UQCRC1: variants seen among roughly 807,000 people sequenced by gnomAD.
UQCRC1 encodes the protein ubiquinol-cytochrome c reductase core protein 1.
Under a neutral mutation model 58.0 loss-of-function variants are expected in UQCRC1, and 34 were observed. The observed-to-expected ratio is 0.59, with a 90% CI of 0.45 to 0.78. The LOEUF is 0.78. Ranked by LOEUF, UQCRC1 falls within the 30% of genes least tolerant of loss-of-function variation. UQCRC1 has a pLI of 0.00. For missense variants in UQCRC1, 610 were observed against 646.0 expected, an observed-to-expected ratio of 0.94 and a Z score of 0.60; for synonymous variants, 276 against 248.8, an observed-to-expected ratio of 1.11 and a Z score of -1.03.
chr3:48,608,299 T>C (rs1236056296), intron 2 of UQCRC1, among the ~76,000 whole-genome samples: 1 of 152,370 alleles, frequency 6.6e-6, no homozygotes, highest in East Asian at 1.9e-4. Flanking sequence ...CAATCTTAGA[T>C]GAACATGTAT....
intron 2 of UQCRC1, among the ~76,000 whole-genome samples, chr3:48,606,310 G>C (rs2046410897): frequency 6.6e-6 from 1 of 152,192 alleles, no homozygotes; most frequent in African/African-American, 2.4e-5. Flanking sequence ...TATTGGTTTA[G>C]ACTGTATATT....
rs528367763 is a variant in UQCRC1 at position 48,599,347 on chromosome 3, G to A, written c.1379-155C>T. ...GAGAACATTCCCCCAGGGGTGCTGAGCCTGTCCCTTCATGTTCTGGCCCTT... is the reference window on the plus strand; with the variant it reads ...GAGAACATTCCCCCAGGGGTGCTGAACCTGTCCCTTCATGTTCTGGCCCTT... On this transcript the variant is annotated intron_variant, in intron 12 of 12. Transcript: ENST00000203407. 5.1e-5 allele frequency: 46 copies of A among 907,772 alleles called. No individual in the cohort carries two copies. In the South Asian group the frequency reaches 6.0e-4, roughly 12 times the overall value. The allele number at this position is 907,772 out of a possible 1,614,324, so 56.2% of individuals were successfully genotyped here.
intron 1 of UQCRC1, 97 bp downstream of exon 1, chr3:48,609,455 G>A (rs1440885542): frequency 3.9e-6 from 6 of 1,519,516 alleles, no homozygotes; most frequent in African/African-American, 2.8e-5. Flanking sequence ...CCCTGACCCC[G>A]CGTCCTCCCC....
At chr3:48,599,810 T>C (rs2046345309) in intron 11 of UQCRC1, 100 bp from the exon 12 acceptor site, 2 of 1,320,532 alleles carry the variant, frequency 1.5e-6, no homozygotes. Flanking sequence ...ACAGGCAGCA[T>C]GCAGCTGTCC....
chr3:48,607,037 TTG>T (rs1184020718), intron 2 of UQCRC1, among the ~76,000 whole-genome samples: 4 of 151,566 alleles, frequency 2.6e-5, no homozygotes, highest in Admixed American at 6.6e-5. Context: ...TTTTGTTTTT[TTG>T]TGTGTGTGTG....
chr3:48,609,389 C>A, intron 1 of UQCRC1, 87 bp from the exon 2 acceptor site: 3 of 1,533,402 alleles, frequency 2.0e-6, no homozygotes, highest in Admixed American at 1.9e-5. Context: ...CCGAACCCCG[C>A]CCCTAGGCAA....
At chr3:48,603,791 T>C (rs972879259) in intron 5 of UQCRC1, 148 bp from the exon 6 acceptor site, 4 of 764,000 alleles carry the variant, frequency 5.2e-6, no homozygotes, top group African/African-American at 5.2e-5. Flanking sequence ...CCCCTTCCCC[T>C]GTCTCTGCCA....
chr3:48,609,339 A>C (rs1191642860), intron 1 of UQCRC1, 37 bp from the exon 2 acceptor site: 3 of 1,584,148 alleles, frequency 1.9e-6, no homozygotes, highest in South Asian at 2.2e-5. Flanking sequence ...GGACTCGGTC[A>C]GGGGATCGCT....
chr3:48,600,654 C>A (rs2046355798), intron 9 of UQCRC1, 26 bp downstream of exon 9: 1 of 1,614,022 alleles, frequency 6.2e-7, no homozygotes, highest in East Asian at 2.2e-5. Flanking sequence ...CGCCATCCCA[C>A]CTAGGAATAC....
At chr3:48,599,537 C>CT in intron 12 of UQCRC1, 98 bp downstream of exon 12, 1 of 1,382,974 alleles carries the variant, frequency 7.2e-7, no homozygotes, top group Admixed American at 1.8e-5. Flanking sequence ...ACTGGCTGCT[C>CT]TGTAAGCTGA....
At chr3:48,609,397 C>A in intron 1 of UQCRC1, 95 bp from the exon 2 acceptor site, 1 of 1,524,456 alleles carries the variant, frequency 6.6e-7, no homozygotes, top group Non-Finnish European at 8.8e-7. Context: ...CGCCCCTAGG[C>A]AAGCGGCGAG....
In UQCRC1 at chr3:48,604,238, A is replaced by G. The variant is rs766960843; in HGVS notation, c.621T>C (p.Asn207=). Residue 207 remains asparagine (N), a synonymous_variant, in exon 5 of 13, where the codon AAT becomes AAC. Coordinates refer to ENST00000203407, the MANE Select transcript of UQCRC1 (RefSeq NM_003365.3). The stretch of plus-strand genomic sequence containing the variant: ...CAAGGCCAGCCAACTCTCACCTGAC[A>G]TTCTCACTGGGCCCCTCCACAGCCT... ...LAQAVEGPSE[N]VRKLSRADLT... The G allele has an allele frequency of 9.9e-6, 16 of 1,612,306 alleles. No homozygotes were observed. The South Asian group carries it at 1.6e-4, about 17-fold the overall frequency.
intron 8 of UQCRC1, 49 bp downstream of exon 8, chr3:48,600,926 C>T (rs1375936279): frequency 6.2e-7 from 1 of 1,604,282 alleles, no homozygotes. Flanking sequence ...ACAGCCCCAG[C>T]ACCCTCTCTT....
At chr3:48,599,510 A>C in intron 12 of UQCRC1, 125 bp downstream of exon 12, 2 of 1,049,074 alleles carry the variant, frequency 1.9e-6, no homozygotes, top group Non-Finnish European at 2.8e-6. Flanking sequence ...GACTGGGGAG[A>C]GCTGCTTGGG....
intron 12 of UQCRC1, 70 bp downstream of exon 12, chr3:48,599,565 G>A: frequency 6.5e-7 from 1 of 1,544,028 alleles, no homozygotes; most frequent in Non-Finnish European, 8.9e-7. Flanking sequence ...TGCGGGAGCA[G>A]AGGTGGAAGG....
intron 3 of UQCRC1, 138 bp downstream of exon 3, chr3:48,605,632 T>A: frequency 1.2e-6 from 1 of 823,956 alleles, no homozygotes; most frequent in Non-Finnish European, 1.9e-6. Flanking sequence ...TAAGCTCATG[T>A]GGCTCCTTTT....
intron 10 of UQCRC1, 105 bp from the exon 11 acceptor site, chr3:48,600,256 A>G: frequency 1.5e-6 from 2 of 1,297,428 alleles, no homozygotes; most frequent in South Asian, 2.5e-5. Context: ...CCCTGACCTC[A>G]TGCTGACTCA....
intron 6 of UQCRC1, among the ~76,000 whole-genome samples, chr3:48,602,217 A>AT (rs982504628): frequency 6.6e-6 from 1 of 151,626 alleles, no homozygotes; most frequent in Non-Finnish European, 1.5e-5. Context: ...CGCCTGGCTA[A>AT]TTTTTTTGTA....
intron 12 of UQCRC1, 50 bp downstream of exon 12, chr3:48,599,585 G>A (rs780784365): frequency 6.3e-7 from 1 of 1,595,474 alleles, no homozygotes; most frequent in Non-Finnish European, 8.6e-7. Flanking sequence ...GGGAGGCCAA[G>A]AGAACGGCCT....
Sources: gnomAD v4.1 joint callset for allele counts (sites outside exome capture counted in the v4.1 genomes callset) on GRCh38, gnomAD v4.1.1 for gene constraint, MANE v1.5 for transcripts, NCBI Gene and HGNC (gene_info 2026-07-23, HGNC 2026-07-21) for gene names.